ITGA6: variants seen among roughly 807,000 people sequenced by gnomAD.
ITGA6 encodes integrin alpha-6.
In ITGA6, 63 loss-of-function variants were observed where a neutral mutation model predicts 133.6. The ratio of observed to expected loss-of-function variants is 0.47; its 90% confidence interval spans 0.38 to 0.58. The LOEUF is 0.58. Among genes scored for constraint, ITGA6 ranks in the 20% least tolerant of loss-of-function variants. The pLI is 0.00. For synonymous variants in ITGA6, 434 were observed against 482.0 expected, an observed-to-expected ratio of 0.90 and a Z score of 1.30; for missense variants, 1,068 against 1,309.4, an observed-to-expected ratio of 0.82 and a Z score of 2.85.
chr2:172,463,441 T>C (rs895492478), intron 1 of ITGA6, among the ~76,000 whole-genome samples: 1 of 152,188 alleles, frequency 6.6e-6, no homozygotes, highest in Non-Finnish European at 1.5e-5. Flanking sequence ...TTGGCTCTAT[T>C]ATCTTAACTT....
Position 172,465,519 on chromosome 2 carries a change from T to C in ITGA6, c.183-20T>C. 6.2e-7 allele frequency: 1 copy of C among 1,613,988 alleles called. No individual in the cohort carries two copies. Among genetic ancestry groups the C allele is most frequent in the Non-Finnish European group, 8.5e-7 (1 of 1,179,932 alleles). ...GTATATTAAATTCAAATCTCCAAATTGTCTCTGTTTCATCAACAGGTTGCT... is the reference window on the plus strand; with the variant it reads ...GTATATTAAATTCAAATCTCCAAATCGTCTCTGTTTCATCAACAGGTTGCT... On this transcript the variant is annotated intron_variant, in intron 1 of 25. Transcript: ENST00000684293.
chr2:172,498,903 A>C lies in ITGA6; in HGVS notation c.3114+803A>C, dbSNP rs182948411. Among the ~76,000 whole-genome samples the C allele has an allele frequency of 1.2e-3, 182 of 152,312 alleles. 1 individual carries two copies. Among genetic ancestry groups the C allele is most frequent in the Non-Finnish European group, 1.1e-3 (78 of 68,020 alleles). The stretch of plus-strand genomic sequence containing the variant: ...ACCTGACGTGATGTGAAGAGAGGCT[A>C]CTTCGAAGTCTTTATCCTTTATGAT... On this transcript the variant is annotated intron_variant, in intron 24 of 25. Coordinates refer to ENST00000684293, the MANE Select transcript of ITGA6 (RefSeq NM_000210.4).
chr2:172,468,492 A>G (rs892264385), intron 3 of ITGA6, among the ~76,000 whole-genome samples: 2 of 152,234 alleles, frequency 1.3e-5, no homozygotes, highest in South Asian at 4.1e-4. Flanking sequence ...CTGTGTTTAC[A>G]TGGAGGTTAG....
chr2:172,434,603 C>T (rs989117447), intron 1 of ITGA6, among the ~76,000 whole-genome samples: 2 of 151,950 alleles, frequency 1.3e-5, no homozygotes, highest in Non-Finnish European at 2.9e-5. Flanking sequence ...GTCTCTAAAA[C>T]CAATTAAATG....
At chr2:172,470,876 G>T in intron 4 of ITGA6, 98 bp from the exon 5 acceptor site, 3 of 1,281,528 alleles carry the variant, frequency 2.3e-6, no homozygotes, top group Non-Finnish European at 3.3e-6. Flanking sequence ...TTTTTTTCCT[G>T]TAACTAGTGA....
intron 5 of ITGA6, 49 bp from the exon 6 acceptor site, chr2:172,474,006 T>TA: frequency 7.2e-7 from 1 of 1,384,986 alleles, no homozygotes; most frequent in South Asian, 1.2e-5. Context: ...GTCATAGGCC[T>TA]AAAATATATG....
At chr2:172,447,170 TTA>T (rs1405411281) in intron 1 of ITGA6, among the ~76,000 whole-genome samples, 1 of 152,196 alleles carries the variant, frequency 6.6e-6, no homozygotes, top group Admixed American at 6.5e-5. Context: ...AGTGCTGGGA[TTA>T]TAGGTGTGAG....
intron 11 of ITGA6, among the ~76,000 whole-genome samples, chr2:172,482,030 C>T (rs1686464521): frequency 6.6e-6 from 1 of 152,124 alleles, no homozygotes; most frequent in Non-Finnish European, 1.5e-5. Context: ...TTATTCTGTT[C>T]TGATGGCCAT....
At chr2:172,473,949 GA>G in intron 5 of ITGA6, 105 bp from the exon 6 acceptor site, 1 of 718,250 alleles carries the variant, frequency 1.4e-6, no homozygotes, top group Non-Finnish European at 2.4e-6. Context: ...GTCAAGAGGA[GA>G]GAGGGGTGGG....
At chr2:172,463,216 G>A (rs1210098190) in intron 1 of ITGA6, among the ~76,000 whole-genome samples, 1 of 152,184 alleles carries the variant, frequency 6.6e-6, no homozygotes, top group Non-Finnish European at 1.5e-5. Context: ...GGGATAAACA[G>A]GAAATAAGCC....
intron 1 of ITGA6, chr2:172,428,270 C>A (rs537430864): frequency 1.0e-3 from 167 of 167,644 alleles, no homozygotes; most frequent in Non-Finnish European, 1.8e-3. Flanking sequence ...TCCCTCCGGG[C>A]GTGTTTGCTG....
At chr2:172,498,214 T>C (rs1687209032) in intron 24 of ITGA6, 114 bp downstream of exon 24, 1 of 1,098,332 alleles carries the variant, frequency 9.1e-7, no homozygotes, top group African/African-American at 1.6e-5. Context: ...TTTCTAACAT[T>C]ATGAAACTCT....
intron 1 of ITGA6, 153 bp downstream of exon 1, chr2:172,428,123 G>C (rs537281499): frequency 6.5e-6 from 4 of 616,936 alleles, no homozygotes; most frequent in South Asian, 1.3e-4. Flanking sequence ...CAGCGCGCTC[G>C]GCTCCCCGCC....
intron 1 of ITGA6, among the ~76,000 whole-genome samples, chr2:172,453,822 G>T (rs1685102219): frequency 6.6e-6 from 1 of 152,222 alleles, no homozygotes; most frequent in Non-Finnish European, 1.5e-5. Flanking sequence ...TACCTGGCTT[G>T]TTCATTACAA....
At chr2:172,451,214 C>G (rs1036218322) in intron 1 of ITGA6, among the ~76,000 whole-genome samples, 13 of 151,130 alleles carry the variant, frequency 8.6e-5, no homozygotes, top group African/African-American at 3.2e-4. Context: ...GGTGTAATCC[C>G]AGCACTTTGG....
chr2:172,483,293 G>T lies in ITGA6; in HGVS notation c.1550-1489G>T, dbSNP rs540446841. ...GTGAGACCTGGGCATCTAAGACCCT[G>T]TAGAAAGCAATCGCCTTTTGTGTTT... On this transcript the variant is annotated intron_variant, in intron 11 of 25. Coordinates refer to ENST00000684293, the MANE Select transcript of ITGA6 (RefSeq NM_000210.4). Among the ~76,000 whole-genome samples, 16 of 152,282 alleles carry T rather than the reference G, an allele frequency of 1.1e-4. 1 individual carries two copies. Among genetic ancestry groups the T allele is most frequent in the African/African-American group, 3.9e-4 (16 of 41,558 alleles).
rs1429116790 is a variant in ITGA6, at chr2:172,505,404, T to TAATC, written c.*1338_*1341dup. On this transcript the variant is annotated 3_prime_UTR_variant, in exon 26 of 26. Coordinates refer to ENST00000684293, the MANE Select transcript of ITGA6 (RefSeq NM_000210.4). ...CTACTGAATCTGCTACCAAAACAGT[T>TAATC]AATCAGTGAGTCGATGTTCTATTTT... The TAATC allele has an allele frequency of 2.0e-5, 3 of 152,202 alleles. No homozygotes were observed. The highest frequency in any genetic ancestry group is 6.5e-5 in the Admixed American group (1 of 15,282). 9.4% of individuals were successfully genotyped at this position (152,202 alleles called of 1,614,324 possible). A position where few individuals can be genotyped will look rare whatever the true frequency, so the allele number is the denominator to read the frequency against.
chr2:172,497,725 A>ATTTG (rs1687188473), intron 23 of ITGA6, among the ~76,000 whole-genome samples: 2 of 152,186 alleles, frequency 1.3e-5, no homozygotes, highest in African/African-American at 4.8e-5. Context: ...TTTAAGATAC[A>ATTTG]TTAACAAAGA....
At chr2:172,480,128 T>C in intron 11 of ITGA6, 77 bp downstream of exon 11, 1 of 871,978 alleles carries the variant, frequency 1.1e-6, no homozygotes. Context: ...CACAGAAAAA[T>C]AAAACTGCAG....
Sources: allele counts gnomAD v4.1 joint callset (sites outside exome capture counted in the v4.1 genomes callset), GRCh38; gene constraint gnomAD v4.1.1; transcripts MANE v1.5; gene names NCBI Gene and HGNC (gene_info 2026-07-23, HGNC 2026-07-21).